HIF3A: variants seen among roughly 807,000 people sequenced by gnomAD.
The protein encoded by HIF3A is hypoxia inducible factor 3 subunit alpha.
A neutral mutation model predicts 67.2 loss-of-function variants in HIF3A; 41 were observed. The ratio of observed to expected loss-of-function variants is 0.61; its 90% CI spans 0.48 to 0.79. HIF3A has a LOEUF of 0.79. HIF3A is among the 30% of genes least tolerant of loss of function. The pLI is 0.00. For synonymous variants in HIF3A, 356 were observed against 374.8 expected (o/e 0.95, Z 0.58); for missense variants, 855 against 898.0 (o/e 0.95, Z 0.61).
At chr19:46,314,389 A>G (rs1227992949) in intron 8 of HIF3A, among the ~76,000 whole-genome samples, 1 of 146,056 alleles carries the variant, frequency 6.8e-6, no homozygotes, top group Non-Finnish European at 1.5e-5. Flanking sequence ...ACCAAAAAAA[A>G]AAAACAAACA....
At chr19:46,299,494 C>T (rs1438372176) in intron 1 of HIF3A, among the ~76,000 whole-genome samples, 3 of 151,886 alleles carry the variant, frequency 2.0e-5, no homozygotes, top group Non-Finnish European at 1.5e-5. Context: ...CTGAGGTGGG[C>T]GGATTGCTTG....
At chr19:46,298,223 C>A (rs151055430) in intron 1 of HIF3A, 172 of 354,080 alleles carry the variant, frequency 4.9e-4, no homozygotes, top group African/African-American at 3.6e-3. Flanking sequence ...CATCCTCTCC[C>A]CTGTCCCCTA....
intron 8 of HIF3A, among the ~76,000 whole-genome samples, chr19:46,315,494 T>C (rs1969842701): frequency 6.7e-6 from 1 of 150,326 alleles, no homozygotes; most frequent in African/African-American, 2.4e-5. Context: ...TTTGGGTGAT[T>C]AGAAAAAAAC....
chr19:46,311,241 G>A (rs531924997), intron 6 of HIF3A, among the ~76,000 whole-genome samples: 10 of 151,778 alleles, frequency 6.6e-5, no homozygotes, highest in South Asian at 4.2e-4. Context: ...ATATTACCAC[G>A]AACTCAGTGG....
Position 46,297,196 on chromosome 19 carries a change from G to A in HIF3A, c.26+94G>A. ...TTGTTGGGGGGGGTGGGGTTCGCGGGTGCGAGCCAAGAACGCCCCGGGGCG... is the reference window on the plus strand; with the variant it reads ...TTGTTGGGGGGGGTGGGGTTCGCGGATGCGAGCCAAGAACGCCCCGGGGCG... On this transcript the variant is annotated intron_variant, in intron 1 of 14. Coordinates refer to ENST00000377670, the MANE Select transcript of HIF3A (RefSeq NM_152795.4). This position sits in a 1 kb window ranked among gnomAD's most constrained non-coding sequence, Gnocchi z 4.5. 1 of 710,312 alleles carries A rather than the reference G, an allele frequency of 1.4e-6. No homozygotes were observed. The highest frequency in any genetic ancestry group is 2.0e-6 in the Non-Finnish European group (1 of 497,158). 44.0% of individuals were successfully genotyped at this position (710,312 alleles called of 1,614,324 possible). A position where few individuals can be genotyped will look rare whatever the true frequency, so the allele number is the denominator to read the frequency against.
intron 10 of HIF3A, among the ~76,000 whole-genome samples, chr19:46,322,687 G>A (rs774602925): frequency 1.2e-4 from 19 of 152,028 alleles, no homozygotes; most frequent in African/African-American, 2.9e-4. Flanking sequence ...GTGATCTTCC[G>A]GCCTCGGCCT....
chr19:46,332,167 G>A (rs1971279834), intron 13 of HIF3A, among the ~76,000 whole-genome samples: 1 of 152,144 alleles, frequency 6.6e-6, no homozygotes, highest in South Asian at 2.1e-4. Context: ...CATCTCACGG[G>A]ACTGCCATGA....
At chr19:46,304,719 G>A (rs531543606) in intron 2 of HIF3A, among the ~76,000 whole-genome samples, 28 of 152,266 alleles carry the variant, frequency 1.8e-4, no homozygotes, top group African/African-American at 6.7e-4. Flanking sequence ...TTCTCTGGGA[G>A]GCTCTGTCCA....
At chr19:46,304,221 C>T (rs1229921281) in intron 2 of HIF3A, 133 bp downstream of exon 2, 4 of 719,770 alleles carry the variant, frequency 5.6e-6, no homozygotes, top group South Asian at 1.9e-5. Flanking sequence ...TTTTTTTCGG[C>T]GGAGCCCCAC....
In HIF3A at chr19:46,308,259, C is replaced by T. The variant is rs1969073450; in HGVS notation, c.402C>T (p.His134=). ...GACACAGCATCTTTGATTTCATCCA[C>T]CCCTGTGACCAAGAGGAGCTTCAGG... ...LIGHSIFDFI[H]PCDQEELQDA... is the part of the protein sequence containing the mutation. The change falls in exon 4 of 15, where the codon CAC becomes CAT. Residue 134 remains histidine, a synonymous_variant. Transcript: ENST00000377670. 6.2e-7 allele frequency: 1 copy of T among 1,613,764 alleles called. No individual in the cohort carries two copies.
intron 9 of HIF3A, 100 bp from the exon 10 acceptor site, chr19:46,321,676 C>A: frequency 9.4e-7 from 1 of 1,065,980 alleles, no homozygotes; most frequent in Non-Finnish European, 1.4e-6. Context: ...TCCTGACCTG[C>A]TGAAGATGTC....
chr19:46,309,549 C>T (rs577966581), intron 6 of HIF3A, among the ~76,000 whole-genome samples, 190 bp downstream of exon 6: 2 of 151,924 alleles, frequency 1.3e-5, no homozygotes, highest in South Asian at 2.1e-4. Flanking sequence ...TTTGTAAAAT[C>T]GCTGCCTTGC....
At chr19:46,320,241 A>G in intron 8 of HIF3A, 1 of 525,456 alleles carries the variant, frequency 1.9e-6, no homozygotes, top group Non-Finnish European at 3.4e-6. Flanking sequence ...AAAAAATAAA[A>G]TGCTGTCAGA....
intron 14 of HIF3A, among the ~76,000 whole-genome samples, chr19:46,338,753 C>G (rs998192367): frequency 3.9e-5 from 6 of 152,280 alleles, no homozygotes; most frequent in African/African-American, 1.4e-4. Flanking sequence ...CCAGGTCACA[C>G]AGCAAGTAAA....
At chr19:46,302,863 C>G (rs1229780933) in intron 1 of HIF3A, among the ~76,000 whole-genome samples, 1 of 152,196 alleles carries the variant, frequency 6.6e-6, no homozygotes, top group Non-Finnish European at 1.5e-5. Context: ...AACAGAGCGA[C>G]AGCCTGTCTC....
intron 10 of HIF3A, among the ~76,000 whole-genome samples, chr19:46,325,123 A>G (rs942688523): frequency 1.1e-4 from 17 of 150,356 alleles, no homozygotes; most frequent in African/African-American, 3.9e-4. Context: ...CAGCCTCCCT[A>G]GTAGCTAGGA....
At chr19:46,313,897 G>A (rs1568518400) in intron 8 of HIF3A, among the ~76,000 whole-genome samples, 1 of 152,054 alleles carries the variant, frequency 6.6e-6, no homozygotes, top group Non-Finnish European at 1.5e-5. Context: ...CCTGACCTCA[G>A]GTGATCCACC....
chr19:46,313,920 C>G (rs1403501148), intron 8 of HIF3A, among the ~76,000 whole-genome samples: 1 of 152,104 alleles, frequency 6.6e-6, no homozygotes, highest in Non-Finnish European at 1.5e-5. Context: ...CCTCAGCCTC[C>G]CAAAGTGTTG....
intron 12 of HIF3A, among the ~76,000 whole-genome samples, chr19:46,329,893 C>T (rs571815109): frequency 6.0e-4 from 87 of 144,558 alleles, no homozygotes; most frequent in African/African-American, 2.1e-3. Context: ...CCCAGGAGAT[C>T]GAGGCTGCAG....
Sources: allele counts gnomAD v4.1 joint callset (sites outside exome capture counted in the v4.1 genomes callset), GRCh38; gene constraint gnomAD v4.1.1; non-coding constraint Gnocchi (gnomAD v3.1); transcripts MANE v1.5; gene names NCBI Gene and HGNC (gene_info 2026-07-23, HGNC 2026-07-21).